The following SLC16A2 variants were observed in gnomAD, a reference collection of about 807,000 sequenced individuals.
SLC16A2 encodes monocarboxylate transporter 8.
In SLC16A2, 3 loss-of-function variants were observed where a neutral mutation model predicts 27.2. The ratio of observed to expected loss-of-function variants is 0.11; its 90% CI spans 0.05 to 0.28. SLC16A2 has a LOEUF of 0.28. SLC16A2 is among the 10% of genes least tolerant of loss of function. The pLI, the probability that SLC16A2 is intolerant of heterozygous loss-of-function variation, is 1.00. For synonymous variants in SLC16A2, 202 were observed against 187.8 expected, an observed-to-expected ratio of 1.08 and a Z score of -0.62; for missense variants, 295 against 458.5, an observed-to-expected ratio of 0.64 and a Z score of 3.26.
In SLC16A2 at chrX:74,490,346, ATTAT is replaced by A. The variant is rs757319542; in HGVS notation, c.431-30641_431-30638del. Reference sequence around the variant, plus strand: ...CTCCTTGTTTTCTCCTCATTCTTAGATTATTTGTTTCCCACACTTAAAAAAAAAA... The same window carrying A: ...CTCCTTGTTTTCTCCTCATTCTTAGATTGTTTCCCACACTTAAAAAAAAAA... On this transcript the variant is annotated intron_variant, in intron 1 of 5. Coordinates refer to ENST00000587091, the MANE Select transcript of SLC16A2 (RefSeq NM_006517.5). 1.3e-4 allele frequency among the ~76,000 whole-genome samples: 14 copies of A among 106,668 alleles called. No homozygotes were observed. In the East Asian group the frequency reaches 3.8e-3, roughly 29 times the overall value. The allele number at this position is 106,668 out of a possible 115,157, so 92.6% of individuals were successfully genotyped here. A position where few individuals can be genotyped will look rare whatever the true frequency, so the allele number is the denominator to read the frequency against.
At chrX:74,429,067 C>T (rs765913740) in intron 1 of SLC16A2, among the ~76,000 whole-genome samples, 8 of 111,128 alleles carry the variant, frequency 7.2e-5, no homozygotes, top group African/African-American at 1.3e-4. Flanking sequence ...CAAGTCCTAA[C>T]GAGAGTCAAA....
Position 74,463,225 on chromosome X carries a change from A to G in SLC16A2, c.430+41158A>G, listed in dbSNP as rs192919506. Among the ~76,000 whole-genome samples the G allele has an allele frequency of 3.6e-5, 4 of 111,795 alleles. No individual in the cohort carries two copies. The East Asian group carries it at 1.1e-3, about 31-fold the overall frequency. Reference sequence around the variant, plus strand: ...ATCAGAGCATTCCTGCTTTTATATTATTTATGCAATGTACTTCAGTGTAAA... The same window carrying G: ...ATCAGAGCATTCCTGCTTTTATATTGTTTATGCAATGTACTTCAGTGTAAA... On this transcript the variant is annotated intron_variant, in intron 1 of 5. Transcript: ENST00000587091.
intron 1 of SLC16A2, among the ~76,000 whole-genome samples, chrX:74,472,742 CA>C (rs34474433): frequency 0.55 from 52,313 of 94,699 alleles, 12,507 homozygotes; most frequent in East Asian, 0.96. Flanking sequence ...AGCATGGGTG[CA>C]AAAAAAAAAA....
At chrX:74,517,277 A>T (rs749051991) in intron 1 of SLC16A2, among the ~76,000 whole-genome samples, 21 of 111,410 alleles carry the variant, frequency 1.9e-4, no homozygotes, top group East Asian at 8.4e-4. Flanking sequence ...ACAATTAAAA[A>T]TTTTTTTTTA....
intron 1 of SLC16A2, among the ~76,000 whole-genome samples, chrX:74,474,160 G>A (rs771251281): frequency 1.8e-5 from 2 of 112,045 alleles, no homozygotes; most frequent in Non-Finnish European, 1.9e-5. Context: ...TAAATTTACA[G>A]AGATTGCCAT....
intron 1 of SLC16A2, among the ~76,000 whole-genome samples, chrX:74,492,272 A>G (rs763288258): frequency 5.4e-4 from 60 of 111,197 alleles, no homozygotes; most frequent in Non-Finnish European, 8.7e-4. Flanking sequence ...GAGTAGCTCC[A>G]TTGGCCCCCT....
chrX:74,510,147 T>G (rs1349098341), intron 1 of SLC16A2, among the ~76,000 whole-genome samples: 1 of 111,863 alleles, frequency 8.9e-6, no homozygotes, highest in Non-Finnish European at 1.9e-5. Flanking sequence ...GGCCCTTTCA[T>G]TTTTAACATC....
At chrX:74,439,283 C>CCCTT (rs1190372955) in intron 1 of SLC16A2, among the ~76,000 whole-genome samples, 1 of 93,930 alleles carries the variant, frequency 1.1e-5, no homozygotes, top group Non-Finnish European at 2.1e-5. Context: ...CTTCCTCCCT[C>CCCTT]CCTTCCTTCC....
chrX:74,461,894 C>G (rs1569288851), intron 1 of SLC16A2, among the ~76,000 whole-genome samples: 1 of 111,596 alleles, frequency 9.0e-6, no homozygotes, highest in Non-Finnish European at 1.9e-5. Flanking sequence ...TCTAGAGAGG[C>G]CAGGATGCTT....
At chrX:74,479,904 G>T (rs754604450) in intron 1 of SLC16A2, among the ~76,000 whole-genome samples, 21 of 112,283 alleles carry the variant, frequency 1.9e-4, no homozygotes, top group Admixed American at 3.8e-4. Flanking sequence ...ACTGGGGGTT[G>T]CCTCCTAGTT....
chrX:74,459,247 T>TATATA (rs771637315), intron 1 of SLC16A2, among the ~76,000 whole-genome samples: 4 of 99,315 alleles, frequency 4.0e-5, no homozygotes, highest in Non-Finnish European at 6.0e-5. Context: ...TATATATATC[T>TATATA]CACAAGTGTT....
rs1268637420 is a variant in SLC16A2 at position 74,470,070 on chromosome X, T to C, written c.430+48003T>C. On this transcript the variant is annotated intron_variant, in intron 1 of 5. Coordinates refer to ENST00000587091, the MANE Select transcript of SLC16A2 (RefSeq NM_006517.5). ...ATATCATCTGATTGGAATCACACAG[T>C]ATGGAGCCTTTTCAGATTGGTGTCT... Among the ~76,000 whole-genome samples the C allele has an allele frequency of 7.2e-5, 8 of 111,671 alleles. 1 individual carries two copies. The highest frequency in any genetic ancestry group is 2.3e-4 in the African/African-American group (7 of 30,830).
chrX:74,433,998 C>T (rs908102338), intron 1 of SLC16A2, among the ~76,000 whole-genome samples: 7 of 112,271 alleles, frequency 6.2e-5, no homozygotes, highest in African/African-American at 1.9e-4. Context: ...CAGCCTGGCA[C>T]GTACTAAGTG....
At chrX:74,460,868 G>A (rs370307460) in intron 1 of SLC16A2, among the ~76,000 whole-genome samples, 2 of 111,001 alleles carry the variant, frequency 1.8e-5, no homozygotes. Context: ...AGCCAGGATG[G>A]TCTTGATCTC....
At chrX:74,507,180 T>A (rs1230348404) in intron 1 of SLC16A2, among the ~76,000 whole-genome samples, 1 of 110,436 alleles carries the variant, frequency 9.1e-6, no homozygotes, top group Non-Finnish European at 1.9e-5. Flanking sequence ...GGTCTTGAAC[T>A]CCTGAGCTCA....
chrX:74,524,038 G>A (rs1045095201), intron 2 of SLC16A2, among the ~76,000 whole-genome samples: 18 of 111,864 alleles, frequency 1.6e-4, no homozygotes, highest in African/African-American at 5.5e-4. Flanking sequence ...ACATGGGCTA[G>A]TTCTGGCTTT....
At chrX:74,428,107 C>G (rs958872473) in intron 1 of SLC16A2, among the ~76,000 whole-genome samples, 2 of 89,907 alleles carry the variant, frequency 2.2e-5, no homozygotes, top group East Asian at 6.7e-3. Flanking sequence ...CTCCCTTCAT[C>G]CTCCTGTATC....
At chrX:74,443,343 C>T (rs1019034367) in intron 1 of SLC16A2, among the ~76,000 whole-genome samples, 3 of 111,936 alleles carry the variant, frequency 2.7e-5, no homozygotes, top group African/African-American at 9.7e-5. Context: ...AAGGCCCCTT[C>T]CAGCTTTGAC....
chrX:74,468,200 A>G (rs191528355), intron 1 of SLC16A2, among the ~76,000 whole-genome samples: 8 of 111,599 alleles, frequency 7.2e-5, no homozygotes, highest in Admixed American at 1.9e-4. Context: ...ACCACGATCA[A>G]TTTTAGAACA....
Sources: gnomAD v4.1 joint callset for allele counts (sites outside exome capture counted in the v4.1 genomes callset) on GRCh38, gnomAD v4.1.1 for gene constraint, MANE v1.5 for transcripts, NCBI Gene and HGNC (gene_info 2026-07-23, HGNC 2026-07-21) for gene names.